Variants in MCF2L observed in about 807,000 individuals in gnomAD.
The protein encoded by MCF2L is MCF.2 cell line derived transforming sequence like, also known as guanine nucleotide exchange factor DBS.
Under a neutral mutation model 153.4 loss-of-function variants are expected in MCF2L, and 97 were observed. The observed-to-expected ratio is 0.63, with a 90% CI of 0.54 to 0.75. The LOEUF (loss-of-function observed/expected upper bound fraction) is 0.75, where lower values mean the gene tolerates loss of function less well. Among genes scored for constraint, MCF2L ranks in the 30% least tolerant of loss-of-function variants. MCF2L has a pLI of 0.00. For missense variants in MCF2L, 1,347 were observed against 1,495.2 expected (o/e 0.90, Z 1.64); for synonymous variants, 659 against 632.2 (o/e 1.04, Z -0.64).
chr13:113,096,378 G>C lies in MCF2L; in HGVS notation c.3083G>C (p.Gly1028Ala). The change falls in exon 28 of 30, where the codon GGT becomes GCT. Residue 1028 changes from glycine to alanine, a missense_variant. Around this residue, in one of 3 missense-constraint regions of MCF2L, gnomAD observed 383 missense variants for 335.4 expected, o/e 1.14. Coordinates refer to ENST00000535094, the MANE Select transcript of MCF2L (RefSeq NM_001112732.3). ...GGLGPKKLVP[G>A]KYTVVADHEK... Reference sequence around the variant, plus strand: ...CTGCCCGTCTCCCACCAGGTTCCAGGTAAATACACGGTCGTGGCGGACCAC... The same window carrying C: ...CTGCCCGTCTCCCACCAGGTTCCAGCTAAATACACGGTCGTGGCGGACCAC... 1.3e-6 allele frequency: 2 copies of C among 1,578,592 alleles called. No individual in the cohort carries two copies. The highest frequency in any genetic ancestry group is 1.7e-6 in the Non-Finnish European group (2 of 1,163,286).
chr13:112,979,490 G>C, intron 1 of MCF2L: 1 of 1,436,718 alleles, frequency 7.0e-7, no homozygotes, highest in Non-Finnish European at 9.1e-7. Flanking sequence ...GCGAAGCCCA[G>C]AGTCACCAGG....
chr13:112,914,280 G>T (rs2081267127), intron 2 of MCF2L, among the ~76,000 whole-genome samples: 1 of 152,146 alleles, frequency 6.6e-6, no homozygotes, highest in Non-Finnish European at 1.5e-5. Context: ...TTGTACAAAA[G>T]GTAGCACATG....
At chr13:112,979,759 G>A in intron 1 of MCF2L, 1 of 1,610,878 alleles carries the variant, frequency 6.2e-7, no homozygotes, top group Non-Finnish European at 8.5e-7. Flanking sequence ...TCGAGGCCAG[G>A]TGAGATACAA....
At chr13:112,970,396 A>G (rs925579298) in intron 1 of MCF2L, among the ~76,000 whole-genome samples, 6 of 152,154 alleles carry the variant, frequency 3.9e-5, no homozygotes, top group African/African-American at 1.4e-4. Flanking sequence ...ATCGTATGGG[A>G]TGGTCTAATC....
chr13:113,015,135 G>A (rs1374272485), intron 2 of MCF2L, among the ~76,000 whole-genome samples: 1 of 152,202 alleles, frequency 6.6e-6, no homozygotes, highest in Non-Finnish European at 1.5e-5. Flanking sequence ...GGGACAGATG[G>A]AGTGGTGTGT....
chr13:113,006,036 C>CTGGGCAACTCCTGTGCAA, intron 1 of MCF2L, among the ~76,000 whole-genome samples: 1 of 152,308 alleles, frequency 6.6e-6, no homozygotes, highest in African/African-American at 2.4e-5. Context: ...TTCCGTGACT[C>CTGGGCAACTCCTGTGCAA]TGGGCAACTC....
At chr13:113,067,071 C>T (rs1357458258) in intron 8 of MCF2L, among the ~76,000 whole-genome samples, 3 of 152,246 alleles carry the variant, frequency 2.0e-5, no homozygotes, top group Non-Finnish European at 1.5e-5. Flanking sequence ...TGGGCCCTGC[C>T]CTGGCCTGTG....
intron 20 of MCF2L, 48 bp downstream of exon 20, chr13:113,085,226 C>G: frequency 1.3e-6 from 2 of 1,561,440 alleles, no homozygotes; most frequent in Non-Finnish European, 1.8e-6. Context: ...ACCTGCTGGC[C>G]AGGTGTCTGT....
intron 2 of MCF2L, among the ~76,000 whole-genome samples, chr13:112,949,986 T>A (rs1342840427): frequency 7.0e-6 from 1 of 142,076 alleles, no homozygotes; most frequent in African/African-American, 2.7e-5. Flanking sequence ...CATCTGATTA[T>A]AAAATCCCAA....
intron 2 of MCF2L, among the ~76,000 whole-genome samples, chr13:112,948,923 A>G (rs2081663710): frequency 6.6e-6 from 1 of 152,112 alleles, no homozygotes; most frequent in Non-Finnish European, 1.5e-5. Context: ...AAAATTAGCC[A>G]GGCGTGGTGG....
In MCF2L at chr13:113,047,452, C is replaced by G. The variant is rs1456893955; in HGVS notation, c.369+2091C>G. On this transcript the variant is annotated intron_variant, in intron 4 of 29. Transcript: ENST00000535094. ...ACCCACGGGGTCAGACACACATGGACGGACAACAGATACTCTTGGGAAGCA... is the reference window on the plus strand; with the variant it reads ...ACCCACGGGGTCAGACACACATGGAGGGACAACAGATACTCTTGGGAAGCA... The G allele has an allele frequency of 2.0e-5, 3 of 152,388 alleles. No homozygotes were observed. In the East Asian group the frequency reaches 5.8e-4, roughly 29 times the overall value. 9.4% of individuals were successfully genotyped at this position (152,388 alleles called of 1,614,324 possible).
intron 9 of MCF2L, among the ~76,000 whole-genome samples, chr13:113,072,008 A>G (rs2032966945): frequency 6.6e-6 from 1 of 152,196 alleles, no homozygotes; most frequent in African/African-American, 2.4e-5. Flanking sequence ...TATTCCCAAC[A>G]TTTGATTTCT....
At chr13:112,934,834 C>A (rs1361128988) in intron 2 of MCF2L, among the ~76,000 whole-genome samples, 4 of 152,064 alleles carry the variant, frequency 2.6e-5, no homozygotes, top group Admixed American at 6.6e-5. Context: ...ATAGGCCAGC[C>A]TTTCCCCTGG....
In MCF2L at chr13:113,064,697, A is replaced by G; in HGVS notation, c.607-239A>G. On this transcript the variant is annotated intron_variant, in intron 6 of 29. Transcript: ENST00000535094. This position sits in a 1 kb window ranked among gnomAD's most constrained non-coding sequence, Gnocchi z 6.0. ...GCAACACTCACTGCTCTCAACGGGG[A>G]GAGGCAGCGCAGGCACAGGCGACTC... is the stretch of plus-strand genomic sequence containing the variant. 1.7e-6 allele frequency: 1 copy of G among 578,846 alleles called. No individual in the cohort carries two copies. Among genetic ancestry groups the G allele is most frequent in the Non-Finnish European group, 3.1e-6 (1 of 327,480 alleles). The allele number at this position is 578,846 out of a possible 1,614,324, so 35.9% of individuals were successfully genotyped here. A position where few individuals can be genotyped will look rare whatever the true frequency, so the allele number is the denominator to read the frequency against.
intron 20 of MCF2L, among the ~76,000 whole-genome samples, 185 bp from the exon 21 acceptor site, chr13:113,085,939 G>A (rs1287331239): frequency 1.3e-5 from 2 of 151,766 alleles, no homozygotes; most frequent in Non-Finnish European, 2.9e-5. Flanking sequence ...CCTGGCAGGG[G>A]TGCTGCCCCA....
chr13:112,994,852 C>T (rs902087028), intron 1 of MCF2L, among the ~76,000 whole-genome samples: 4 of 152,242 alleles, frequency 2.6e-5, no homozygotes, highest in African/African-American at 9.6e-5. Flanking sequence ...GTGGGCTGGG[C>T]TCAAACCCAG....
At chr13:112,961,441 G>A (rs759501086) in intron 2 of MCF2L, among the ~76,000 whole-genome samples, 4 of 152,240 alleles carry the variant, frequency 2.6e-5, no homozygotes, top group Non-Finnish European at 4.4e-5. Context: ...GTGCAGCAGG[G>A]CTGGGGGACA....
intron 21 of MCF2L, among the ~76,000 whole-genome samples, chr13:113,086,709 C>T (rs974528204): frequency 3.3e-5 from 5 of 152,076 alleles, no homozygotes; most frequent in African/African-American, 4.8e-5. Context: ...ATCTTTTGTC[C>T]GTCTTTATGT....
chr13:112,968,166 GC>G (rs2081929806), upstream of MCF2L, among the ~76,000 whole-genome samples: 1 of 129,084 alleles, frequency 7.7e-6, no homozygotes, highest in Admixed American at 8.9e-5. Flanking sequence ...TTGCTACATT[GC>G]CCAGGCTCAA....
Sources: gnomAD v4.1 joint callset for allele counts (sites outside exome capture counted in the v4.1 genomes callset) on GRCh38, gnomAD v4.1.1 for gene constraint, gnomAD v4.1.1 regional missense constraint, Gnocchi (gnomAD v3.1) non-coding constraint, MANE v1.5 for transcripts, NCBI Gene and HGNC (gene_info 2026-07-23, HGNC 2026-07-21) for gene names.